Variants in UMAD1 observed in about 807,000 individuals in gnomAD.
The protein encoded by UMAD1 is UBAP1-MVB12-associated (UMA)-domain containing protein 1.
UMAD1 carries 8 observed loss-of-function variants against 6.1 expected under a neutral mutation model. The observed-to-expected ratio is 1.30, with a 90% CI of 0.76 to 2.35. The LOEUF is 2.35. UMAD1 is among the 30% of genes most tolerant of loss of function. UMAD1 has a pLI of 0.00. For missense variants in UMAD1, 130 were observed against 78.4 expected, an observed-to-expected ratio of 1.66 and a Z score of -2.49; for synonymous variants, 56 against 31.4, an observed-to-expected ratio of 1.78 and a Z score of -2.61.
intron 3 of UMAD1, among the ~76,000 whole-genome samples, chr7:7,865,563 G>C (rs940248231): frequency 6.6e-6 from 1 of 152,136 alleles, no homozygotes; most frequent in African/African-American, 2.4e-5. Flanking sequence ...TCCTCTAACA[G>C]AGGTGAACAG....
chr7:7,854,631 G>A (rs1452438937), intron 3 of UMAD1, among the ~76,000 whole-genome samples: 4 of 152,008 alleles, frequency 2.6e-5, no homozygotes, highest in African/African-American at 9.7e-5. Flanking sequence ...ATGTTATGGG[G>A]GTTACAATTC....
At chr7:7,706,814 C>T (rs1292915079) in intron 2 of UMAD1, among the ~76,000 whole-genome samples, 44 of 152,092 alleles carry the variant, frequency 2.9e-4, no homozygotes, top group Admixed American at 2.8e-3. Flanking sequence ...GTTCTACATC[C>T]TATCTGTTGG....
At chr7:7,860,067 G>A (rs374405538) in intron 3 of UMAD1, among the ~76,000 whole-genome samples, 30 of 152,212 alleles carry the variant, frequency 2.0e-4, no homozygotes, top group South Asian at 1.0e-3. Context: ...CTCCAAGAGC[G>A]GGTAAGGACA....
chr7:7,808,667 A>G (rs1055673162), intron 3 of UMAD1, among the ~76,000 whole-genome samples: 1 of 152,044 alleles, frequency 6.6e-6, no homozygotes, highest in Admixed American at 6.6e-5. Flanking sequence ...GTTTTTTAAA[A>G]ATTTGAACTT....
At chr7:7,691,786 T>G (rs1343063829) in intron 2 of UMAD1, among the ~76,000 whole-genome samples, 1 of 152,244 alleles carries the variant, frequency 6.6e-6, no homozygotes, top group African/African-American at 2.4e-5. Flanking sequence ...TTGAAGTGTT[T>G]TCTGATACAT....
rs528377900 is a variant in UMAD1 at position 7,759,477 on chromosome 7, C to T, written c.83-42193C>T. 7.2e-5 allele frequency among the ~76,000 whole-genome samples: 11 copies of T among 152,340 alleles called. No homozygotes were observed. In the East Asian group the frequency reaches 2.1e-3, roughly 29 times the overall value. On this transcript the variant is annotated intron_variant, in intron 2 of 3. Coordinates refer to ENST00000682710, the MANE Select transcript of UMAD1 (RefSeq NM_001302348.2). ...CATTTTGCGCCCTCTTTAAACTTGA[C>T]TGAGAATTTACAAGGCCACGGGGCT...
At chr7:7,855,848 C>G (rs1010018538) in intron 3 of UMAD1, among the ~76,000 whole-genome samples, 1 of 152,196 alleles carries the variant, frequency 6.6e-6, no homozygotes, top group Non-Finnish European at 1.5e-5. Flanking sequence ...TGCTTTGCTG[C>G]TTAGAAATAT....
rs1027149912 is a variant in UMAD1 at position 7,877,283 on chromosome 7, C to A, written c.159C>A (p.Thr53=). 1.4e-6 allele frequency: 1 copy of A among 711,274 alleles called. No homozygotes were observed. Among genetic ancestry groups the A allele is most frequent in the East Asian group, 2.7e-5 (1 of 37,100 alleles). The allele number at this position is 711,274 out of a possible 1,614,324, so 44.1% of individuals were successfully genotyped here. The change falls in exon 4 of 4, where the codon ACC becomes ACA. Residue 53 remains threonine, a splice_region_variant and synonymous_variant. Coordinates refer to ENST00000682710, the MANE Select transcript of UMAD1 (RefSeq NM_001302348.2). ...SDIEANQPLE[T]NKENSSSVTV... Reference sequence around the variant, plus strand: ...GTTTTAAATGTATGTATTTTTAGACCAACAAAGAAAATTCATCCAGTGTGA... The same window carrying A: ...GTTTTAAATGTATGTATTTTTAGACAAACAAAGAAAATTCATCCAGTGTGA...
intron 2 of UMAD1, among the ~76,000 whole-genome samples, chr7:7,783,474 T>C (rs149370125): frequency 0.011 from 1,716 of 152,182 alleles, 32 homozygotes; most frequent in African/African-American, 0.04. Flanking sequence ...GCTACGAGGC[T>C]GGGAAGTGAG....
chr7:7,841,156 T>A (rs996027077), intron 3 of UMAD1, among the ~76,000 whole-genome samples: 1 of 152,218 alleles, frequency 6.6e-6, no homozygotes, highest in East Asian at 1.9e-4. Flanking sequence ...ATGTATACAC[T>A]CTTACTCCCT....
chr7:7,695,981 GTTTTTT>G (rs34880729), intron 2 of UMAD1, among the ~76,000 whole-genome samples: 17 of 130,740 alleles, frequency 1.3e-4, no homozygotes, highest in African/African-American at 4.3e-4. Flanking sequence ...GTATATCTCC[GTTTTTT>G]TTTTTTTTTT....
intron 3 of UMAD1, among the ~76,000 whole-genome samples, chr7:7,805,161 A>G (rs557366001): frequency 6.6e-6 from 1 of 152,248 alleles, no homozygotes; most frequent in Non-Finnish European, 1.5e-5. Flanking sequence ...CTCTCCCCTG[A>G]GTTCTAGACT....
At chr7:7,684,584 C>T (rs28915973) in intron 2 of UMAD1, among the ~76,000 whole-genome samples, 7,700 of 152,110 alleles carry the variant, frequency 0.051, 243 homozygotes, top group Middle Eastern at 0.12. Context: ...CTCATGGATA[C>T]GGAGGGCTGA....
At chr7:7,864,440 A>G (rs1421606031) in intron 3 of UMAD1, among the ~76,000 whole-genome samples, 1 of 152,076 alleles carries the variant, frequency 6.6e-6, no homozygotes, top group Non-Finnish European at 1.5e-5. Context: ...AGAGCTGGAC[A>G]GGGCACCATC....
intron 2 of UMAD1, among the ~76,000 whole-genome samples, chr7:7,705,917 A>G (rs1020247795): frequency 1.3e-5 from 2 of 152,110 alleles, no homozygotes; most frequent in African/African-American, 2.4e-5. Context: ...AATTCTCTGT[A>G]CCTTCTGTTC....
At chr7:7,748,557 G>T (rs1781618490) in intron 2 of UMAD1, among the ~76,000 whole-genome samples, 1 of 151,832 alleles carries the variant, frequency 6.6e-6, no homozygotes, top group South Asian at 2.1e-4. Context: ...CTTATTTTTG[G>T]CTTAGATTTA....
chr7:7,815,743 G>A (rs141219117), intron 3 of UMAD1, among the ~76,000 whole-genome samples: 41 of 152,218 alleles, frequency 2.7e-4, no homozygotes, highest in African/African-American at 9.6e-4. Context: ...CTAGTGGCAC[G>A]GGAGCCTGGT....
At chr7:7,784,752 C>A (rs1481029278) in intron 2 of UMAD1, among the ~76,000 whole-genome samples, 1 of 139,468 alleles carries the variant, frequency 7.2e-6, no homozygotes, top group Non-Finnish European at 1.5e-5. Context: ...TTCTGCCCTT[C>A]CTTCTTTTTT....
chr7:7,672,419 C>T (rs183569654), intron 1 of UMAD1, among the ~76,000 whole-genome samples: 39 of 152,224 alleles, frequency 2.6e-4, no homozygotes, highest in Non-Finnish European at 4.3e-4. Flanking sequence ...ATCTCACCAA[C>T]GCAAGGATTT....
Sources: gnomAD v4.1 joint callset for allele counts (sites outside exome capture counted in the v4.1 genomes callset) on GRCh38, gnomAD v4.1.1 for gene constraint, MANE v1.5 for transcripts, NCBI Gene and HGNC (gene_info 2026-07-23, HGNC 2026-07-21) for gene names.